Variants in CUL1 observed in about 807,000 individuals in gnomAD.
CUL1 encodes the protein cullin-1.
A neutral mutation model predicts 118.0 loss-of-function variants in CUL1; 24 were observed. That is an observed-to-expected ratio of 0.20 (90% confidence interval 0.15 to 0.29). CUL1 has a LOEUF of 0.29. Ranked by LOEUF, CUL1 falls within the 10% of genes least tolerant of loss-of-function variation. The probability of loss-of-function intolerance (pLI) is 1.00; values close to 1 mark genes in which losing one functional copy is unlikely to be tolerated. For synonymous variants in CUL1, 332 were observed against 340.4 expected (o/e 0.98, Z 0.27); for missense variants, 361 against 933.8 (o/e 0.39, Z 7.99).
In CUL1 at chr7:148,783,380, G is replaced by T. The variant is rs189829051; in HGVS notation, c.1084-403G>T. 13 of 985,482 alleles carry T rather than the reference G, an allele frequency of 1.3e-5. No individual in the cohort carries two copies. In the East Asian group the frequency reaches 1.5e-3, roughly 112 times the overall value. 61.0% of individuals were successfully genotyped at this position (985,482 alleles called of 1,614,324 possible). A position where few individuals can be genotyped will look rare whatever the true frequency, so the allele number is the denominator to read the frequency against. ...CGCTTTCCCTCGCGTTGCCTGCCCAGCCGGGCTGATGACCGACCTCGGCGG... is the reference window on the plus strand; with the variant it reads ...CGCTTTCCCTCGCGTTGCCTGCCCATCCGGGCTGATGACCGACCTCGGCGG... On this transcript the variant is annotated intron_variant, in intron 9 of 21. Transcript: ENST00000325222.
chr7:148,701,503 AC>A (rs1284883870), intron 1 of CUL1, among the ~76,000 whole-genome samples: 1 of 152,040 alleles, frequency 6.6e-6, no homozygotes, highest in African/African-American at 2.4e-5. Context: ...GGATGTTTTT[AC>A]TTTTTGTGTT....
rs551154228 is a variant in CUL1 at position 148,780,637 on chromosome 7, A to G, written c.1084-3146A>G. Among the ~76,000 whole-genome samples the G allele has an allele frequency of 3.9e-5, 6 of 152,302 alleles. No homozygotes were observed. The East Asian group carries it at 7.7e-4, about 20-fold the overall frequency. The stretch of plus-strand genomic sequence containing the variant: ...AGGCCACACGGGCTCACCTGGGGGA[A>G]GTTTGGTGTGGATGTGAATGTGTCC... On this transcript the variant is annotated intron_variant, in intron 9 of 21. Coordinates refer to ENST00000325222, the MANE Select transcript of CUL1 (RefSeq NM_003592.3).
chr7:148,770,651 G>C (rs1454871585), intron 9 of CUL1, among the ~76,000 whole-genome samples: 1 of 152,130 alleles, frequency 6.6e-6, no homozygotes. Flanking sequence ...CCTGCTCTGG[G>C]CTCACACTTG....
At chr7:148,750,322 T>A (rs1049096325) in intron 2 of CUL1, among the ~76,000 whole-genome samples, 8 of 151,748 alleles carry the variant, frequency 5.3e-5, no homozygotes, top group Non-Finnish European at 1.2e-4. Flanking sequence ...AATTATACTT[T>A]AAGTTCTAGG....
At chr7:148,734,951 T>G (rs1798890537) in intron 2 of CUL1, among the ~76,000 whole-genome samples, 1 of 152,238 alleles carries the variant, frequency 6.6e-6, no homozygotes, top group South Asian at 2.1e-4. Context: ...GTTCATGAAC[T>G]TTGACGTTTC....
intron 1 of CUL1, among the ~76,000 whole-genome samples, chr7:148,701,209 C>T (rs1015917291): frequency 3.9e-5 from 6 of 151,980 alleles, no homozygotes; most frequent in African/African-American, 1.5e-4. Flanking sequence ...AAAACATGCG[C>T]TGATTTTTGG....
At chr7:148,779,541 C>A (rs1028398554) in intron 9 of CUL1, among the ~76,000 whole-genome samples, 1 of 152,230 alleles carries the variant, frequency 6.6e-6, no homozygotes, top group Non-Finnish European at 1.5e-5. Context: ...ACAGCCCATT[C>A]TAAGAACGAA....
At chr7:148,702,272 G>A (rs1460421400) in intron 1 of CUL1, among the ~76,000 whole-genome samples, 2 of 152,140 alleles carry the variant, frequency 1.3e-5, no homozygotes, top group African/African-American at 2.4e-5. Context: ...TAAAAATTCC[G>A]TGAGGGAGAG....
intron 1 of CUL1, among the ~76,000 whole-genome samples, chr7:148,717,923 CT>C (rs1203703902): frequency 6.6e-6 from 1 of 152,238 alleles, no homozygotes; most frequent in Non-Finnish European, 1.5e-5. Context: ...CATATGACAT[CT>C]CTTCCAATAC....
At chr7:148,795,122 C>G (rs1032648950) in intron 17 of CUL1, among the ~76,000 whole-genome samples, 1 of 151,472 alleles carries the variant, frequency 6.6e-6, no homozygotes, top group Non-Finnish European at 1.5e-5. Flanking sequence ...CGTGAGCCAC[C>G]GTGCCTGGCA....
chr7:148,780,243 T>A (rs947215522), intron 9 of CUL1, among the ~76,000 whole-genome samples: 1 of 152,216 alleles, frequency 6.6e-6, no homozygotes, highest in Admixed American at 6.5e-5. Flanking sequence ...GAGACTGGGC[T>A]GGTCGTGCGG....
rs769122297 is a variant in CUL1, at chr7:148,766,650, A to G, written c.879A>G (p.Gln293=). 1.9e-5 allele frequency: 31 copies of G among 1,613,502 alleles called. No individual in the cohort carries two copies. The East Asian group carries it at 6.9e-4, about 36-fold the overall frequency. ...TQDELARKCE[Q]VLIEKHLEIF... is the part of the protein sequence containing the mutation. ...ATGAATTAGCAAGGAAATGTGAACAAGTCCTCATTGAAAAACACTTGGAAA... is the reference window on the plus strand; with the variant it reads ...ATGAATTAGCAAGGAAATGTGAACAGGTCCTCATTGAAAAACACTTGGAAA... Residue 293 remains glutamine (Q), a synonymous_variant, in exon 8 of 22, where the codon CAA becomes CAG. Transcript: ENST00000325222.
intron 2 of CUL1, 82 bp downstream of exon 2, chr7:148,730,344 ATTG>A: frequency 7.1e-7 from 1 of 1,403,784 alleles, no homozygotes; most frequent in South Asian, 1.4e-5. Context: ...AGAATTTTAT[ATTG>A]TTTTCTCCTC....
At chr7:148,765,364 G>C (rs1305253539) in intron 7 of CUL1, among the ~76,000 whole-genome samples, 1 of 152,124 alleles carries the variant, frequency 6.6e-6, no homozygotes, top group African/African-American at 2.4e-5. Flanking sequence ...ACGGTAGCTG[G>C]ACAGCCTATA....
chr7:148,714,389 CATT>C (rs996271293), intron 1 of CUL1, among the ~76,000 whole-genome samples: 1 of 152,172 alleles, frequency 6.6e-6, no homozygotes, highest in African/African-American at 2.4e-5. Flanking sequence ...AAATACAGTA[CATT>C]ATTATTAACT....
At chr7:148,762,164 T>C (rs993820809) in intron 7 of CUL1, among the ~76,000 whole-genome samples, 1 of 152,212 alleles carries the variant, frequency 6.6e-6, no homozygotes, top group Non-Finnish European at 1.5e-5. Flanking sequence ...GCTTGCCCTG[T>C]ATTCCCTGTT....
intron 2 of CUL1, among the ~76,000 whole-genome samples, chr7:148,743,252 G>A (rs1214869183): frequency 6.6e-6 from 1 of 152,192 alleles, no homozygotes; most frequent in Non-Finnish European, 1.5e-5. Context: ...GCTGTTGGCT[G>A]TAGATGGTGA....
intron 9 of CUL1, among the ~76,000 whole-genome samples, chr7:148,773,234 G>A (rs1800278569): frequency 6.6e-6 from 1 of 151,798 alleles, no homozygotes; most frequent in Admixed American, 6.6e-5. Context: ...CCTCTAATTA[G>A]CCCACATTTT....
chr7:148,713,132 A>G (rs962987976), intron 1 of CUL1, among the ~76,000 whole-genome samples: 1 of 152,102 alleles, frequency 6.6e-6, no homozygotes, highest in East Asian at 1.9e-4. Flanking sequence ...GATCATGATC[A>G]AATGTAATAC....
Sources: gnomAD v4.1 joint callset for allele counts (sites outside exome capture counted in the v4.1 genomes callset) on GRCh38, gnomAD v4.1.1 for gene constraint, MANE v1.5 for transcripts, NCBI Gene and HGNC (gene_info 2026-07-23, HGNC 2026-07-21) for gene names.